TRHDE: variants seen among roughly 807,000 people sequenced by gnomAD.
TRHDE encodes thyrotropin releasing hormone degrading enzyme, also known as thyrotropin-releasing hormone-degrading ectoenzyme.
Under a neutral mutation model 125.7 loss-of-function variants are expected in TRHDE, and 72 were observed. That is an observed-to-expected ratio of 0.57 (90% CI 0.47 to 0.70). TRHDE has a LOEUF of 0.70. Among genes scored for constraint, TRHDE ranks in the 30% least tolerant of loss-of-function variants. The pLI, the probability that TRHDE is intolerant of heterozygous loss-of-function variation, is 0.00. For missense variants in TRHDE, 1,110 were observed against 1,327.1 expected, an observed-to-expected ratio of 0.84 and a Z score of 2.54; for synonymous variants, 509 against 509.1, an observed-to-expected ratio of 1.00 and a Z score of 0.00.
chr12:72,293,284 C>T (rs1880160196), intron 2 of TRHDE, among the ~76,000 whole-genome samples: 1 of 150,632 alleles, frequency 6.6e-6, no homozygotes, highest in Non-Finnish European at 1.5e-5. Context: ...AATATTTTTT[C>T]CCACTCTGGG....
chr12:72,390,745 C>G (rs1010686942), intron 3 of TRHDE, among the ~76,000 whole-genome samples: 1 of 152,098 alleles, frequency 6.6e-6, no homozygotes, highest in Non-Finnish European at 1.5e-5. Context: ...GGATTAGGAA[C>G]TCTAAGTGGT....
At chr12:72,525,950 C>T (rs537684477) in intron 6 of TRHDE, among the ~76,000 whole-genome samples, 3 of 152,086 alleles carry the variant, frequency 2.0e-5, no homozygotes, top group South Asian at 2.1e-4. Flanking sequence ...TTTTCCCCTG[C>T]GGTCGTTATT....
chr12:72,497,036 C>CT (rs1565766034), intron 5 of TRHDE, among the ~76,000 whole-genome samples: 1 of 152,042 alleles, frequency 6.6e-6, no homozygotes, highest in African/African-American at 2.4e-5. Flanking sequence ...TCCTGCCAGG[C>CT]TTTTTTCTTT....
At chr12:72,285,024 A>G (rs1879829817) in intron 1 of TRHDE, among the ~76,000 whole-genome samples, 1 of 152,222 alleles carries the variant, frequency 6.6e-6, no homozygotes, top group African/African-American at 2.4e-5. Flanking sequence ...AACCTTGTCT[A>G]TGAAAATAAG....
In TRHDE at chr12:72,663,625, G is replaced by GC. The variant is rs1875004402; in HGVS notation, c.*430_*431insC. ...GTGTGTGAATATGTGTTACACCTAGGATGGGCATTATGCAAAAGCACAAAG... is the reference window on the plus strand; with the variant it reads ...GTGTGTGAATATGTGTTACACCTAGGCATGGGCATTATGCAAAAGCACAAAG... On this transcript the variant is annotated 3_prime_UTR_variant, in exon 19 of 19. Transcript: ENST00000261180. The GC allele has an allele frequency of 6.5e-6, 1 of 152,986 alleles. No homozygotes were observed. Among genetic ancestry groups the GC allele is most frequent in the Admixed American group, 6.6e-5 (1 of 15,256 alleles). The allele number at this position is 152,986 out of a possible 1,614,324, so 9.5% of individuals were successfully genotyped here.
At chr12:72,539,309 T>C (rs1869026579) in intron 6 of TRHDE, among the ~76,000 whole-genome samples, 1 of 151,884 alleles carries the variant, frequency 6.6e-6, no homozygotes, top group Non-Finnish European at 1.5e-5. Context: ...ACATACCACC[T>C]TATTCAATAA....
chr12:72,488,083 G>A (rs1359367314), intron 5 of TRHDE, among the ~76,000 whole-genome samples: 1 of 151,688 alleles, frequency 6.6e-6, no homozygotes, highest in Non-Finnish European at 1.5e-5. Context: ...TCACAAAAGT[G>A]GATAATAAGA....
intron 12 of TRHDE, among the ~76,000 whole-genome samples, chr12:72,591,578 C>G (rs976768702): frequency 1.3e-5 from 2 of 148,186 alleles, no homozygotes; most frequent in Non-Finnish European, 3.0e-5. Context: ...TAATTTTGTA[C>G]ATACCCTAAT....
At chr12:72,309,612 T>G (rs1868443560) in intron 2 of TRHDE, 1 of 152,098 alleles carries the variant, frequency 6.6e-6, no homozygotes, top group Admixed American at 6.6e-5. Context: ...ATAGTTCAAC[T>G]TCCTCAATTA....
chr12:72,348,325 T>C (rs190364089), intron 2 of TRHDE, among the ~76,000 whole-genome samples: 18 of 152,084 alleles, frequency 1.2e-4, no homozygotes, highest in African/African-American at 3.9e-4. Flanking sequence ...ACTGGTTTAA[T>C]TCTCGGTGAG....
intron 15 of TRHDE, among the ~76,000 whole-genome samples, chr12:72,631,474 A>G (rs988324802): frequency 6.6e-6 from 1 of 151,934 alleles, no homozygotes; most frequent in Non-Finnish European, 1.5e-5. Flanking sequence ...TAATTATATC[A>G]GTATTCCTTA....
chr12:72,553,832 G>GTTCTT (rs1565787999), intron 7 of TRHDE, among the ~76,000 whole-genome samples: 1 of 139,170 alleles, frequency 7.2e-6, no homozygotes, highest in Non-Finnish European at 1.5e-5. Context: ...CCTCTTCTCT[G>GTTCTT]TTCTTTTCTT....
intron 3 of TRHDE, among the ~76,000 whole-genome samples, chr12:72,427,850 T>C (rs1248123052): frequency 6.6e-6 from 1 of 152,146 alleles, no homozygotes; most frequent in Non-Finnish European, 1.5e-5. Context: ...AGATCATAAA[T>C]TAGATAGACT....
At chr12:72,236,594 A>G (rs764685306) in intron 2 of TRHDE, among the ~76,000 whole-genome samples, 1 of 152,140 alleles carries the variant, frequency 6.6e-6, no homozygotes, top group Admixed American at 6.6e-5. Flanking sequence ...ATGCCATAGC[A>G]TAAATCATTG....
intron 2 of TRHDE, among the ~76,000 whole-genome samples, chr12:72,333,742 G>A (rs1189593274): frequency 1.3e-5 from 2 of 152,198 alleles, no homozygotes; most frequent in Non-Finnish European, 1.5e-5. Flanking sequence ...TTGAGCGAGT[G>A]CTTTGAATTT....
intron 12 of TRHDE, among the ~76,000 whole-genome samples, chr12:72,613,729 A>T (rs1872710115): frequency 6.6e-6 from 1 of 152,178 alleles, no homozygotes; most frequent in Admixed American, 6.5e-5. Flanking sequence ...TAGGTGCCTA[A>T]GTCAAGTTTG....
intron 7 of TRHDE, among the ~76,000 whole-genome samples, chr12:72,544,442 A>C (rs897629635): frequency 1.3e-5 from 2 of 151,588 alleles, no homozygotes; most frequent in African/African-American, 2.4e-5. Flanking sequence ...TTTTACATTA[A>C]CCATGGTTAT....
At position 72,324,571 on chromosome 12, in the gene TRHDE, C is replaced by T. The variant is rs546311486; in HGVS notation, c.1188+37617C>T. ...CCACAGGAGTCATCAGAGCAAGGCTCGAGAGTTAGGCAGGGAAGTTCAGAC... is the reference window on the plus strand; with the variant it reads ...CCACAGGAGTCATCAGAGCAAGGCTTGAGAGTTAGGCAGGGAAGTTCAGAC... On this transcript the variant is annotated intron_variant, in intron 2 of 18. Transcript: ENST00000261180. Among the ~76,000 whole-genome samples, 7 of 152,082 alleles carry T rather than the reference C, an allele frequency of 4.6e-5. No individual in the cohort carries two copies. In the East Asian group the frequency reaches 7.7e-4, roughly 17 times the overall value.
At chr12:72,349,560 G>T (rs534351448) in intron 2 of TRHDE, among the ~76,000 whole-genome samples, 1 of 151,834 alleles carries the variant, frequency 6.6e-6, no homozygotes, top group Non-Finnish European at 1.5e-5. Flanking sequence ...TTGGGCGGGG[G>T]GGTGGTGTGG....
Sources: gnomAD v4.1 joint callset for allele counts (sites outside exome capture counted in the v4.1 genomes callset) on GRCh38, gnomAD v4.1.1 for gene constraint, MANE v1.5 for transcripts, NCBI Gene and HGNC (gene_info 2026-07-23, HGNC 2026-07-21) for gene names.